Variants in SLC35B3 observed in about 807,000 individuals in gnomAD.
SLC35B3 encodes the protein solute carrier family 35 member B3.
In SLC35B3, 35 loss-of-function variants were observed where a neutral mutation model predicts 44.1. The observed-to-expected ratio is 0.79, with a 90% CI of 0.61 to 1.05. The LOEUF (loss-of-function observed/expected upper bound fraction) is 1.05. Among genes scored for constraint, SLC35B3 ranks in the 50% least tolerant of loss-of-function variants. The pLI is 0.00. For synonymous variants in SLC35B3, 146 were observed against 167.3 expected, an observed-to-expected ratio of 0.87 and a Z score of 0.98; for missense variants, 414 against 476.4, an observed-to-expected ratio of 0.87 and a Z score of 1.22.
intron 9 of SLC35B3, among the ~76,000 whole-genome samples, chr6:8,416,357 C>T (rs1762411865): frequency 6.6e-6 from 1 of 152,088 alleles, no homozygotes; most frequent in Non-Finnish European, 1.5e-5. Context: ...TACACTCCTC[C>T]AAAGCAGAAC....
At chr6:8,421,998 G>T (rs9405382) in intron 5 of SLC35B3, among the ~76,000 whole-genome samples, 77,143 of 151,770 alleles carry the variant, frequency 0.51, 20,746 homozygotes, top group African/African-American at 0.71. Context: ...ATAAGTGTTT[G>T]TTTGTTTGTT....
In SLC35B3 at chr6:8,411,669, T is replaced by G. The variant is rs1229708165; in HGVS notation, c.*1880A>C. Among the ~76,000 whole-genome samples the G allele has an allele frequency of 6.6e-6, 1 of 152,206 alleles. No homozygotes were observed. The highest frequency in any genetic ancestry group is 2.4e-5 in the African/African-American group (1 of 41,468). ...GAAAACCAGTCCGAATTCCTCATGCTGGACCCCTCCATGATACAGGCTCTG... is the reference window on the plus strand; with the variant it reads ...GAAAACCAGTCCGAATTCCTCATGCGGGACCCCTCCATGATACAGGCTCTG... On this transcript the variant is annotated 3_prime_UTR_variant, in exon 11 of 11. Coordinates refer to ENST00000644923, the MANE Select transcript of SLC35B3 (RefSeq NM_001370476.2).
At chr6:8,425,733 G>A (rs957982750) in intron 4 of SLC35B3, among the ~76,000 whole-genome samples, 2 of 151,946 alleles carry the variant, frequency 1.3e-5, no homozygotes, top group South Asian at 4.1e-4. Context: ...TTAAACATTT[G>A]TATCAAGGTA....
At chr6:8,414,815 GAA>G in intron 10 of SLC35B3, 91 bp downstream of exon 9, 1 of 639,792 alleles carries the variant, frequency 1.6e-6, no homozygotes, top group South Asian at 3.2e-5. Context: ...CTACAAAAAA[GAA>G]AAAGTAGAAA....
intron 2 of SLC35B3, among the ~76,000 whole-genome samples, chr6:8,430,372 AAC>A (rs1763852975): frequency 1.3e-5 from 2 of 152,138 alleles, no homozygotes; most frequent in Non-Finnish European, 2.9e-5. Context: ...TACATCATTA[AAC>A]TGAATATAAA....
chr6:8,435,123 G>A lies in SLC35B3; in HGVS notation c.-44+220C>T. 7.9e-7 allele frequency: 1 copy of A among 1,265,170 alleles called. No individual in the cohort carries two copies. Among genetic ancestry groups the A allele is most frequent in the South Asian group, 1.3e-5 (1 of 77,390 alleles). 78.4% of individuals were successfully genotyped at this position (1,265,170 alleles called of 1,614,324 possible). A position where few individuals can be genotyped will look rare whatever the true frequency, so the allele number is the denominator to read the frequency against. ...GACCTGAGGGAGTTCTCGCCAGCCC[G>A]AGGGCGAAAAACGGGCGAGGAGGAA... On this transcript the variant is annotated intron_variant, in intron 1 of 10. Transcript: ENST00000644923. The surrounding 1 kb of genome is among the most constrained non-coding windows in gnomAD (Gnocchi z 5.5).
intron 10 of SLC35B3, among the ~76,000 whole-genome samples, 184 bp downstream of exon 9, chr6:8,414,723 AG>A (rs1762260553): frequency 1.3e-5 from 2 of 152,200 alleles, no homozygotes; most frequent in African/African-American, 4.8e-5. Flanking sequence ...CTGATAGTTA[AG>A]AGATCAAGAT....
chr6:8,435,516 C>T lies in SLC35B3; in HGVS notation c.-217G>A, dbSNP rs753565515. 26 of 603,500 alleles carry T rather than the reference C, an allele frequency of 4.3e-5. No homozygotes were observed. Among genetic ancestry groups the T allele is most frequent in the Admixed American group, 3.8e-4 (12 of 31,346 alleles). 37.4% of individuals were successfully genotyped at this position (603,500 alleles called of 1,614,324 possible). ...GCCTCCCCGGAAAGCACTCTCAACT[C>T]CGGCGCCCGCAGGCCACTTCCGCCT... On this transcript the variant is annotated 5_prime_UTR_variant, in exon 1 of 11. Transcript: ENST00000644923. The surrounding 1 kb of genome is among the most constrained non-coding windows in gnomAD (Gnocchi z 5.5).
In SLC35B3 at chr6:8,417,478, G is replaced by GAATACGAATACAAT; in HGVS notation, c.783_796dup (p.Ser266TyrfsTer16). The GAATACGAATACAAT allele has an allele frequency of 6.3e-7, 1 of 1,588,416 alleles. No individual in the cohort carries two copies. Among genetic ancestry groups the GAATACGAATACAAT allele is most frequent in the Non-Finnish European group, 8.6e-7 (1 of 1,166,038 alleles). ...CAGTAAAATGTATACAAAACCAATT[G>GAATACGAATACAAT]AATACGAATACAATACCTAGAGCAG... On this transcript the variant is annotated frameshift_variant, in exon 8 of 11. Transcript: ENST00000644923. LOFTEE classifies it high-confidence loss of function.
In SLC35B3 at chr6:8,435,468, C is replaced by T; in HGVS notation, c.-169G>A. 9.0e-7 allele frequency: 1 copy of T among 1,106,252 alleles called. No individual in the cohort carries two copies. Among genetic ancestry groups the T allele is most frequent in the Non-Finnish European group, 1.2e-6 (1 of 836,508 alleles). 68.5% of individuals were successfully genotyped at this position (1,106,252 alleles called of 1,614,324 possible). ...TCTTCCTCCTCCTCCTCGCCCACTC[C>T]TGCACTTTCCACCGCGGCGGTCGCC... On this transcript the variant is annotated 5_prime_UTR_variant, in exon 1 of 11. Coordinates refer to ENST00000644923, the MANE Select transcript of SLC35B3 (RefSeq NM_001370476.2). The surrounding 1 kb of genome is among the most constrained non-coding windows in gnomAD (Gnocchi z 5.5).
chr6:8,430,044 A>G lies in SLC35B3; in HGVS notation c.117T>C (p.Asn39=). The G allele has an allele frequency of 6.2e-7, 1 of 1,613,976 alleles. No individual in the cohort carries two copies. The highest frequency in any genetic ancestry group is 8.5e-7 in the Non-Finnish European group (1 of 1,179,940). The change falls in exon 3 of 11, where the codon AAT becomes AAC. Residue 39 remains asparagine, a synonymous_variant. Coordinates refer to ENST00000644923, the MANE Select transcript of SLC35B3 (RefSeq NM_001370476.2). Reference sequence around the variant, plus strand: ...CAGTGATAGAAATATATTTCCTGGAATTGTTGAACTTGAGATCCATTGTTA... The same window carrying G: ...CAGTGATAGAAATATATTTCCTGGAGTTGTTGAACTTGAGATCCATTGTTA...
intron 4 of SLC35B3, among the ~76,000 whole-genome samples, chr6:8,425,775 C>T (rs1210150105): frequency 6.6e-6 from 1 of 151,794 alleles, no homozygotes; most frequent in African/African-American, 2.4e-5. Context: ...TACATTTAAA[C>T]TGCCCAATAG....
chr6:8,432,383 G>C lies in SLC35B3; in HGVS notation c.3+2002C>G, dbSNP rs949589385. The stretch of plus-strand genomic sequence containing the variant: ...ATATCTTTCTTTCCTGCTTTTATTG[G>C]CATCAAAACATTTCTCCAGAAGGTC... On this transcript the variant is annotated intron_variant, in intron 2 of 10. Transcript: ENST00000644923. The surrounding 1 kb of genome is among the most constrained non-coding windows in gnomAD (Gnocchi z 4.8). Among the ~76,000 whole-genome samples, 1 of 151,904 alleles carries C rather than the reference G, an allele frequency of 6.6e-6. No individual in the cohort carries two copies. Among genetic ancestry groups the C allele is most frequent in the African/African-American group, 2.4e-5 (1 of 41,330 alleles).
chr6:8,423,028 C>T (rs1763069447), intron 4 of SLC35B3, among the ~76,000 whole-genome samples: 1 of 151,998 alleles, frequency 6.6e-6, no homozygotes, highest in Admixed American at 6.6e-5. Flanking sequence ...CGCTCTGTTG[C>T]CTAGGCTGGA....
rs1762840083 is a variant in SLC35B3 at position 8,420,972 on chromosome 6, T to A, written c.575-144A>T. ...ACACTTAGGTCAAGGCAGAAGACAG[T>A]CACAAGAGGGCTTCTGAAAACTACC... On this transcript the variant is annotated intron_variant, in intron 5 of 10. Transcript: ENST00000644923. This position sits in a 1 kb window ranked among gnomAD's most constrained non-coding sequence, Gnocchi z 4.4. 4 of 519,424 alleles carry A rather than the reference T, an allele frequency of 7.7e-6. No homozygotes were observed. Among genetic ancestry groups the A allele is most frequent in the Non-Finnish European group, 1.4e-5 (4 of 291,956 alleles). The allele number at this position is 519,424 out of a possible 1,614,324, so 32.2% of individuals were successfully genotyped here.
Position 8,434,075 on chromosome 6 carries a change from T to C in SLC35B3, c.3+310A>G, listed in dbSNP as rs17143790. 0.031 allele frequency among the ~76,000 whole-genome samples: 4,724 copies of C among 151,192 alleles called. 266 individuals are homozygous for C. Among genetic ancestry groups the C allele is most frequent in the African/African-American group, 0.11 (4,501 of 41,206 alleles). On this transcript the variant is annotated intron_variant, in intron 2 of 10. Coordinates refer to ENST00000644923, the MANE Select transcript of SLC35B3 (RefSeq NM_001370476.2). This position sits in a 1 kb window ranked among gnomAD's most constrained non-coding sequence, Gnocchi z 6.3. Reference sequence around the variant, plus strand: ...TTTAAAAATCACAGGTGTGTATAATTGCCTGAGGCCTCTTCCTAAATTCAA... The same window carrying C: ...TTTAAAAATCACAGGTGTGTATAATCGCCTGAGGCCTCTTCCTAAATTCAA...
chr6:8,419,718 T>C lies in SLC35B3; in HGVS notation c.683-41A>G, dbSNP rs1762726802. On this transcript the variant is annotated intron_variant, in intron 6 of 10. Transcript: ENST00000644923. This position sits in a 1 kb window ranked among gnomAD's most constrained non-coding sequence, Gnocchi z 4.3. Reference sequence around the variant, plus strand: ...AAAAAAACAAACAAAAAAACCCTCCTTATTTAAACATATGAACTATAATCA... The same window carrying C: ...AAAAAAACAAACAAAAAAACCCTCCCTATTTAAACATATGAACTATAATCA... 1.7e-6 allele frequency: 2 copies of C among 1,162,052 alleles called. No homozygotes were observed. Among genetic ancestry groups the C allele is most frequent in the Non-Finnish European group, 2.4e-6 (2 of 829,276 alleles). 72.0% of individuals were successfully genotyped at this position (1,162,052 alleles called of 1,614,324 possible). A position where few individuals can be genotyped will look rare whatever the true frequency, so the allele number is the denominator to read the frequency against.
chr6:8,414,741 G>T (rs983495156), intron 10 of SLC35B3, among the ~76,000 whole-genome samples, 167 bp downstream of exon 9: 1 of 151,664 alleles, frequency 6.6e-6, no homozygotes. Context: ...AGATGAAAAG[G>T]TTTCTTTATA....
At position 8,434,947 on chromosome 6, in the gene SLC35B3, A is replaced by G. The variant is rs577200776; in HGVS notation, c.-44+396T>C. ...CCAAATGGAGAAAAGAGTACCTTGG[A>G]GTGCCCCTATTTAATAAACACGGAA... On this transcript the variant is annotated intron_variant, in intron 1 of 10. Transcript: ENST00000644923. The surrounding 1 kb of genome is among the most constrained non-coding windows in gnomAD (Gnocchi z 6.3). The G allele has an allele frequency of 1.7e-5, 7 of 418,376 alleles. No individual in the cohort carries two copies. The East Asian group carries it at 6.6e-4, about 39-fold the overall frequency. 25.9% of individuals were successfully genotyped at this position (418,376 alleles called of 1,614,324 possible). A position where few individuals can be genotyped will look rare whatever the true frequency, so the allele number is the denominator to read the frequency against.
Sources: gnomAD v4.1 joint callset for allele counts (sites outside exome capture counted in the v4.1 genomes callset) on GRCh38, gnomAD v4.1.1 for gene constraint, Gnocchi (gnomAD v3.1) non-coding constraint, MANE v1.5 for transcripts, NCBI Gene and HGNC (gene_info 2026-07-23, HGNC 2026-07-21) for gene names.